Variants in NCEH1 observed in about 807,000 individuals in gnomAD.
The protein encoded by NCEH1 is neutral cholesterol ester hydrolase 1, also known as 2-acetyl MAGE hydrolase.
NCEH1 carries 9 observed loss-of-function variants against 25.4 expected under a neutral mutation model. The ratio of observed to expected loss-of-function variants is 0.35; its 90% CI spans 0.21 to 0.62. The LOEUF is 0.62. NCEH1 is among the 20% of genes least tolerant of loss of function. NCEH1 has a pLI of 0.72. For synonymous variants in NCEH1, 200 were observed against 199.8 expected, an observed-to-expected ratio of 1.00 and a Z score of -0.01; for missense variants, 412 against 501.1, an observed-to-expected ratio of 0.82 and a Z score of 1.70.
At chr3:172,636,580 G>A (rs569156640) in intron 3 of NCEH1, among the ~76,000 whole-genome samples, 1 of 152,180 alleles carries the variant, frequency 6.6e-6, no homozygotes, top group Admixed American at 6.5e-5. Context: ...CACTGGAGAG[G>A]TCCATATTAG....
chr3:172,638,148 G>A (rs1716679277), intron 3 of NCEH1, among the ~76,000 whole-genome samples: 2 of 151,634 alleles, frequency 1.3e-5, no homozygotes, highest in Admixed American at 1.3e-4. Context: ...TGTGGATCTG[G>A]TCATTCCGGA....
intron 1 of NCEH1, among the ~76,000 whole-genome samples, chr3:172,686,997 T>C (rs755489182): frequency 3.9e-5 from 6 of 152,198 alleles, no homozygotes; most frequent in Non-Finnish European, 7.3e-5. Flanking sequence ...CGCAAACAGC[T>C]TGCTGCTTTT....
At chr3:172,692,693 T>C (rs1407705737) in intron 1 of NCEH1, among the ~76,000 whole-genome samples, 1 of 152,074 alleles carries the variant, frequency 6.6e-6, no homozygotes, top group East Asian at 1.9e-4. Flanking sequence ...TAGTTTCAAG[T>C]TTATTTCATC....
chr3:172,672,195 T>G (rs749597117), intron 1 of NCEH1, among the ~76,000 whole-genome samples: 5 of 152,172 alleles, frequency 3.3e-5, no homozygotes, highest in African/African-American at 4.8e-5. Context: ...GTACCAAGTT[T>G]CACCAAGTAT....
At chr3:172,705,479 G>A (rs1713921059) in intron 1 of NCEH1, among the ~76,000 whole-genome samples, 1 of 152,200 alleles carries the variant, frequency 6.6e-6, no homozygotes, top group Admixed American at 6.5e-5. Context: ...AATGAAGGTT[G>A]CCAGGTGGAA....
In NCEH1 at chr3:172,634,096, G is replaced by C. The variant is rs771011652; in HGVS notation, c.610-4C>G. 1.9e-6 allele frequency: 3 copies of C among 1,609,692 alleles called. No homozygotes were observed. The highest frequency in any genetic ancestry group is 2.5e-6 in the Non-Finnish European group (3 of 1,178,148). The stretch of plus-strand genomic sequence containing the variant: ...TTAGGCTGGCATCTTGAGTAAACTA[G>C]AGAAGAGGAAGCAAATACATTATTT... On this transcript the variant is annotated splice_region_variant and splice_polypyrimidine_tract_variant and intron_variant, in intron 4 of 4. Transcript: ENST00000475381.
At chr3:172,691,926 G>A (rs1473824068) in intron 1 of NCEH1, among the ~76,000 whole-genome samples, 1 of 8,304 alleles carries the variant, frequency 1.2e-4, no homozygotes, top group Non-Finnish European at 1.8e-4. Context: ...CAGCCTGGGC[G>A]ACAGAGCAAG....
chr3:172,695,158 C>T (rs1238322365), intron 1 of NCEH1, among the ~76,000 whole-genome samples: 1 of 152,162 alleles, frequency 6.6e-6, no homozygotes, highest in Non-Finnish European at 1.5e-5. Flanking sequence ...TCTCTAAGCC[C>T]CAGAGTTGTC....
At chr3:172,653,763 T>TTTTTTTTTTTTTTTTTTTTTTTTTTG (rs1717553623) in intron 1 of NCEH1, among the ~76,000 whole-genome samples, 2 of 97,856 alleles carry the variant, frequency 2.0e-5, no homozygotes, top group Non-Finnish European at 4.1e-5. Context: ...TTTTTTTGTT[T>TTTTTTTTTTTTTTTTTTTTTTTTTTG]TTTTTTTTTT....
At chr3:172,709,568 CA>C (rs758942441) in intron 1 of NCEH1, among the ~76,000 whole-genome samples, 2 of 152,072 alleles carry the variant, frequency 1.3e-5, no homozygotes, top group Non-Finnish European at 2.9e-5. Context: ...TCCTAAGAGA[CA>C]AAAGGGGCTT....
intron 3 of NCEH1, among the ~76,000 whole-genome samples, chr3:172,637,617 G>A (rs140868497): frequency 4.6e-5 from 7 of 152,228 alleles, no homozygotes; most frequent in East Asian, 3.9e-4. Context: ...GGCCAGGTGC[G>A]GTGGCTTAGG....
Position 172,683,239 on chromosome 3 carries a change from T to C in NCEH1, c.138+27608A>G, listed in dbSNP as rs1444625588. Among the ~76,000 whole-genome samples the C allele has an allele frequency of 1.7e-5, 2 of 117,690 alleles. 1 individual carries two copies. Among genetic ancestry groups the C allele is most frequent in the Non-Finnish European group, 3.6e-5 (2 of 55,366 alleles). The allele number at this position is 117,690 out of a possible 152,430, so 77.2% of individuals were successfully genotyped here. A position where few individuals can be genotyped will look rare whatever the true frequency, so the allele number is the denominator to read the frequency against. The stretch of plus-strand genomic sequence containing the variant: ...TAAAACGGTGAAACCCCGTCTCTAC[T>C]AAAAATACAAAAAATTAGCCAGGCG... On this transcript the variant is annotated intron_variant, in intron 1 of 4. Transcript: ENST00000475381.
intron 1 of NCEH1, among the ~76,000 whole-genome samples, chr3:172,691,627 G>A (rs1044107629): frequency 1.7e-4 from 26 of 152,420 alleles, no homozygotes; most frequent in African/African-American, 6.3e-4. Context: ...TCCAGTGACA[G>A]GAAGAACTGG....
intron 1 of NCEH1, among the ~76,000 whole-genome samples, chr3:172,659,927 TAGAG>T (rs1717889331): frequency 6.6e-6 from 1 of 152,014 alleles, no homozygotes; most frequent in African/African-American, 2.4e-5. Context: ...TTTAGGCAGA[TAGAG>T]AGGAGTTCTT....
Position 172,633,435 on chromosome 3 carries a change from A to T in NCEH1, c.*40T>A, listed in dbSNP as rs767471297. ...CATGTCTTTCCAAAGCAGGTGTAGG[A>T]GGTCAAGAGGGGCTCGAGGCTTCTG... is the stretch of plus-strand genomic sequence containing the variant. On this transcript the variant is annotated 3_prime_UTR_variant, in exon 5 of 5. Transcript: ENST00000475381. The T allele has an allele frequency of 1.9e-6, 3 of 1,576,696 alleles. No individual in the cohort carries two copies. The highest frequency in any genetic ancestry group is 1.8e-5 in the Admixed American group (1 of 56,744).
intron 3 of NCEH1, among the ~76,000 whole-genome samples, chr3:172,639,061 G>A (rs1268766253): frequency 1.3e-5 from 2 of 152,138 alleles, no homozygotes; most frequent in African/African-American, 2.4e-5. Flanking sequence ...AGCACCTGGG[G>A]AGGCCAAGGT....
intron 4 of NCEH1, among the ~76,000 whole-genome samples, chr3:172,635,138 C>T (rs1306339504): frequency 6.6e-6 from 1 of 152,192 alleles, no homozygotes; most frequent in African/African-American, 2.4e-5. Flanking sequence ...AGAATGTTCT[C>T]TCCACTGAGC....
intron 1 of NCEH1, among the ~76,000 whole-genome samples, chr3:172,658,323 A>T (rs1019599580): frequency 6.6e-6 from 1 of 152,236 alleles, no homozygotes; most frequent in African/African-American, 2.4e-5. Flanking sequence ...GCACCTGCTC[A>T]GGTTCCAGAC....
At chr3:172,642,618 A>AAG (rs1553828289) in intron 3 of NCEH1, among the ~76,000 whole-genome samples, 16 of 151,590 alleles carry the variant, frequency 1.1e-4, no homozygotes, top group African/African-American at 3.1e-4. Context: ...AAAAAAAAAA[A>AAG]AAAAAAGAAA....
Sources: gnomAD v4.1 joint callset for allele counts (sites outside exome capture counted in the v4.1 genomes callset) on GRCh38, gnomAD v4.1.1 for gene constraint, MANE v1.5 for transcripts, NCBI Gene and HGNC (gene_info 2026-07-23, HGNC 2026-07-21) for gene names.